FHIT: variants seen among roughly 807,000 people sequenced by gnomAD.
The protein encoded by FHIT is fragile histidine triad diadenosine triphosphatase, also known as bis(5'-adenosyl)-triphosphatase.
FHIT carries 19 observed loss-of-function variants against 17.9 expected under a neutral mutation model. The ratio of observed to expected loss-of-function variants is 1.06; its 90% CI spans 0.74 to 1.56. The LOEUF (loss-of-function observed/expected upper bound fraction) is 1.56, where lower values mean the gene tolerates loss of function less well. FHIT is among the 40% of genes most tolerant of loss of function. FHIT has a pLI of 0.00. For missense variants in FHIT, 248 were observed against 189.2 expected, an observed-to-expected ratio of 1.31 and a Z score of -1.82; for synonymous variants, 81 against 69.7, an observed-to-expected ratio of 1.16 and a Z score of -0.81.
intron 2 of FHIT, among the ~76,000 whole-genome samples, chr3:61,098,201 A>G (rs1195057374): frequency 6.6e-6 from 1 of 152,216 alleles, no homozygotes; most frequent in Non-Finnish European, 1.5e-5. Flanking sequence ...TTTATTGAAT[A>G]GGGAATCCTT....
chr3:59,780,703 C>T (rs1702545294), intron 8 of FHIT, among the ~76,000 whole-genome samples: 1 of 152,196 alleles, frequency 6.6e-6, no homozygotes, highest in Admixed American at 6.5e-5. Flanking sequence ...TTCTCTCCAC[C>T]ATGTGAGGAT....
chr3:61,101,995 T>C (rs763604922), intron 2 of FHIT, among the ~76,000 whole-genome samples: 1 of 152,210 alleles, frequency 6.6e-6, no homozygotes, highest in African/African-American at 2.4e-5. Context: ...TCATGTCATC[T>C]GCAAACAGGG....
rs571691243 is a variant in FHIT at position 60,467,518 on chromosome 3, C to T, written c.103+69342G>A. Among the ~76,000 whole-genome samples the T allele has an allele frequency of 6.6e-5, 10 of 151,890 alleles. No homozygotes were observed. In the South Asian group the frequency reaches 8.3e-4, roughly 13 times the overall value. On this transcript the variant is annotated intron_variant, in intron 5 of 9. Coordinates refer to ENST00000492590, the MANE Select transcript of FHIT (RefSeq NM_002012.4). ...ATATCTCATAGGTTTTGATACATTGCGTTTCCATTTTCATTTGTTTCAATA... is the reference window on the plus strand; with the variant it reads ...ATATCTCATAGGTTTTGATACATTGTGTTTCCATTTTCATTTGTTTCAATA...
chr3:61,086,590 G>C (rs1203670835), intron 2 of FHIT, among the ~76,000 whole-genome samples: 4 of 152,076 alleles, frequency 2.6e-5, no homozygotes, highest in Admixed American at 1.3e-4. Context: ...AAAAGAAAAA[G>C]AATGAGAATG....
At chr3:60,720,159 A>C (rs529315472) in intron 4 of FHIT, among the ~76,000 whole-genome samples, 1 of 151,946 alleles carries the variant, frequency 6.6e-6, no homozygotes, top group East Asian at 1.9e-4. Context: ...TCTTTTTTCC[A>C]CTCCTTGAAC....
At chr3:61,137,094 A>G (rs937056839) in intron 2 of FHIT, among the ~76,000 whole-genome samples, 2 of 152,154 alleles carry the variant, frequency 1.3e-5, no homozygotes, top group Admixed American at 6.5e-5. Context: ...TGGATACTCA[A>G]TGAACTGATA....
chr3:60,473,831 G>C, intron 5 of FHIT, among the ~76,000 whole-genome samples: 1 of 151,990 alleles, frequency 6.6e-6, no homozygotes, highest in East Asian at 1.9e-4. Flanking sequence ...GCCGAGGCAG[G>C]AGAATTACTT....
chr3:60,273,912 T>C (rs1706992260), intron 5 of FHIT, among the ~76,000 whole-genome samples: 1 of 152,220 alleles, frequency 6.6e-6, no homozygotes, highest in African/African-American at 2.4e-5. Flanking sequence ...AAGTATCTCA[T>C]CTTTGTGTAG....
intron 1 of FHIT, among the ~76,000 whole-genome samples, chr3:61,204,707 G>C (rs1156549556): frequency 1.3e-5 from 2 of 152,118 alleles, no homozygotes; most frequent in Non-Finnish European, 2.9e-5. Flanking sequence ...AAAGAAAAGT[G>C]TGGATAAGTA....
chr3:59,957,167 G>A (rs1234726298), intron 7 of FHIT, among the ~76,000 whole-genome samples: 3 of 152,178 alleles, frequency 2.0e-5, no homozygotes, highest in East Asian at 1.9e-4. Flanking sequence ...TTAATTGGAG[G>A]CAGGGGCTTT....
intron 2 of FHIT, among the ~76,000 whole-genome samples, chr3:61,100,705 C>T (rs2035792414): frequency 1.3e-5 from 2 of 152,228 alleles, no homozygotes; most frequent in Admixed American, 1.3e-4. Flanking sequence ...TATTTCTCCA[C>T]ATCCTTTCCA....
intron 5 of FHIT, among the ~76,000 whole-genome samples, chr3:60,248,120 G>C (rs1705499214): frequency 1.3e-5 from 2 of 152,046 alleles, no homozygotes; most frequent in African/African-American, 4.8e-5. Flanking sequence ...ATCTGCATTT[G>C]AAGCTGCCTC....
intron 3 of FHIT, among the ~76,000 whole-genome samples, chr3:60,897,718 T>C (rs1209394077): frequency 6.6e-6 from 1 of 152,160 alleles, no homozygotes; most frequent in African/African-American, 2.4e-5. Flanking sequence ...CCTAGCTGCA[T>C]CCCTTTCATT....
intron 5 of FHIT, among the ~76,000 whole-genome samples, chr3:60,132,742 ATGC>A: frequency 6.6e-6 from 1 of 152,190 alleles, no homozygotes; most frequent in African/African-American, 2.4e-5. Flanking sequence ...GCTTATTGTC[ATGC>A]TGATTTTTAT....
At chr3:60,979,050 A>T (rs917819562) in intron 3 of FHIT, among the ~76,000 whole-genome samples, 12 of 152,348 alleles carry the variant, frequency 7.9e-5, no homozygotes, top group African/African-American at 2.6e-4. Flanking sequence ...GGAAAATTTG[A>T]AAATATTTCT....
intron 2 of FHIT, among the ~76,000 whole-genome samples, chr3:61,195,499 G>A (rs1383869255): frequency 2.6e-5 from 4 of 152,072 alleles, no homozygotes; most frequent in Admixed American, 6.6e-5. Context: ...TGGTAATTAC[G>A]GTAATGATAG....
chr3:60,087,186 G>C (rs530285703), intron 5 of FHIT, among the ~76,000 whole-genome samples: 86 of 152,318 alleles, frequency 5.6e-4, no homozygotes, highest in Non-Finnish European at 7.3e-5. Flanking sequence ...GGGATGCAGG[G>C]AGCAACATCC....
chr3:61,014,922 A>C (rs62268669), intron 3 of FHIT, among the ~76,000 whole-genome samples: 14 of 149,952 alleles, frequency 9.3e-5, no homozygotes, highest in Non-Finnish European at 1.6e-4. Flanking sequence ...ATATGTGTAC[A>C]CACACATCCA....
rs371820773 is a variant in FHIT at position 60,512,922 on chromosome 3, A to G, written c.103+23938T>C. 3.3e-5 allele frequency among the ~76,000 whole-genome samples: 5 copies of G among 152,364 alleles called. 1 individual carries two copies. Among genetic ancestry groups the G allele is most frequent in the Admixed American group, 6.5e-5 (1 of 15,308 alleles). On this transcript the variant is annotated intron_variant, in intron 5 of 9. Coordinates refer to ENST00000492590, the MANE Select transcript of FHIT (RefSeq NM_002012.4). The stretch of plus-strand genomic sequence containing the variant: ...ATTAATTTATGAATAACCAAAAGCA[A>G]TTTAGGAACCTTGACTGGATCTGTG...
Sources: gnomAD v4.1 joint callset for allele counts (sites outside exome capture counted in the v4.1 genomes callset) on GRCh38, gnomAD v4.1.1 for gene constraint, MANE v1.5 for transcripts, NCBI Gene and HGNC (gene_info 2026-07-23, HGNC 2026-07-21) for gene names.